Variants in MYLIP observed in about 807,000 individuals in gnomAD.
The protein encoded by MYLIP is myosin regulatory light chain interacting protein, also known as E3 ubiquitin-protein ligase MYLIP.
In MYLIP, 26 loss-of-function variants were observed where a neutral mutation model predicts 45.8. The observed-to-expected ratio is 0.57, with a 90% CI of 0.42 to 0.79. MYLIP has a LOEUF of 0.79. MYLIP is among the 30% of genes least tolerant of loss of function. The probability of loss-of-function intolerance (pLI) is 0.00; values close to 1 mark genes in which losing one functional copy is unlikely to be tolerated. For missense variants in MYLIP, 494 were observed against 555.6 expected (o/e 0.89, Z 1.11); for synonymous variants, 213 against 218.1 (o/e 0.98, Z 0.21).
rs891958744 is a variant in MYLIP at position 16,129,731 on chromosome 6, C to T, written c.87+322C>T. On this transcript the variant is annotated intron_variant, in intron 1 of 6. Coordinates refer to ENST00000356840, the MANE Select transcript of MYLIP (RefSeq NM_013262.4). The surrounding 1 kb of genome is among the most constrained non-coding windows in gnomAD (Gnocchi z 5.1). ...GGAAGAAGGCGGCTCCGCACACCTG[C>T]CGCAGGTATGTGCGTGATGCCGCCT... 2.6e-5 allele frequency among the ~76,000 whole-genome samples: 4 copies of T among 152,250 alleles called. No homozygotes were observed. Among genetic ancestry groups the T allele is most frequent in the East Asian group, 1.9e-4 (1 of 5,186 alleles).
chr6:16,141,513 A>G (rs760206122), intron 2 of MYLIP, 112 bp from the exon 3 acceptor site: 3 of 1,001,720 alleles, frequency 3.0e-6, no homozygotes, highest in Middle Eastern at 4.3e-4. Flanking sequence ...AAGCATTTTC[A>G]GTGTGACTTT....
At position 16,147,890 on chromosome 6, in the gene MYLIP, A is replaced by G. The variant is rs1019214334; in HGVS notation, c.*1139A>G. On this transcript the variant is annotated 3_prime_UTR_variant, in exon 7 of 7. Coordinates refer to ENST00000356840, the MANE Select transcript of MYLIP (RefSeq NM_013262.4). ...TTCCACTCCCACTTGGGCATTTTGGAAGCTGGTCAGCTAGCAGGTTTTCTG... is the reference window on the plus strand; with the variant it reads ...TTCCACTCCCACTTGGGCATTTTGGGAGCTGGTCAGCTAGCAGGTTTTCTG... 9 of 152,544 alleles carry G rather than the reference A, an allele frequency of 5.9e-5. No individual in the cohort carries two copies. The highest frequency in any genetic ancestry group is 3.9e-4 in the Admixed American group (6 of 15,270). The allele number at this position is 152,544 out of a possible 1,614,324, so 9.4% of individuals were successfully genotyped here.
At chr6:16,135,755 C>CTATATATA (rs10593630) in intron 2 of MYLIP, among the ~76,000 whole-genome samples, 21 of 125,244 alleles carry the variant, frequency 1.7e-4, no homozygotes, top group Non-Finnish European at 3.3e-4. Flanking sequence ...ATACATATAT[C>CTATATATA]TATATATATA....
At chr6:16,142,127 C>T (rs1262895017) in intron 3 of MYLIP, among the ~76,000 whole-genome samples, 1 of 152,178 alleles carries the variant, frequency 6.6e-6, no homozygotes, top group African/African-American at 2.4e-5. Context: ...AGGGCTACTG[C>T]ATATATTCAT....
chr6:16,140,268 A>C (rs1759641426), intron 2 of MYLIP, among the ~76,000 whole-genome samples: 1 of 152,232 alleles, frequency 6.6e-6, no homozygotes, highest in African/African-American at 2.4e-5. Context: ...AACTGAGGCC[A>C]ATCTGTCTAC....
chr6:16,135,777 A>AG (rs1759543492), intron 2 of MYLIP, among the ~76,000 whole-genome samples: 3 of 142,098 alleles, frequency 2.1e-5, no homozygotes, highest in South Asian at 4.4e-4. Flanking sequence ...ATATATATAT[A>AG]TGTATGCTAT....
the MYLIP span, among the ~76,000 whole-genome samples, chr6:16,154,105 A>G: frequency 2.0e-5 from 3 of 152,118 alleles, no homozygotes; most frequent in African/African-American, 7.2e-5. Flanking sequence ...CCCTCTTCAT[A>G]TCACCTCTAT....
chr6:16,139,098 G>A (rs1198258904), intron 2 of MYLIP, among the ~76,000 whole-genome samples: 1 of 152,176 alleles, frequency 6.6e-6, no homozygotes, highest in Non-Finnish European at 1.5e-5. Context: ...GCAGGAACTA[G>A]TCTCTAACTT....
At position 16,129,365 on chromosome 6, in the gene MYLIP, G is replaced by A; in HGVS notation, c.43G>A (p.Val15Met). The A allele has an allele frequency of 6.3e-7, 1 of 1,594,026 alleles. No individual in the cohort carries two copies. The highest frequency in any genetic ancestry group is 8.5e-7 in the Non-Finnish European group (1 of 1,170,634). The change falls in exon 1 of 7, where the codon GTG (valine) becomes ATG (methionine). Residue 15 changes from valine to methionine, a missense_variant. Coordinates refer to ENST00000356840, the MANE Select transcript of MYLIP (RefSeq NM_013262.4). The surrounding 1 kb of genome is among the most constrained non-coding windows in gnomAD (Gnocchi z 5.1). ...GAGGCCGGACGCGGTGCTGATGGAG[G>A]TGGAGGTGGAGGCGAAAGCCAACGG... ...VTRPDAVLME[V>M]EVEAKANGED...
rs1340511442 is a variant in MYLIP, at chr6:16,141,795, C to T, written c.449C>T (p.Ser150Phe). 6.2e-7 allele frequency: 1 copy of T among 1,612,950 alleles called. No homozygotes were observed. Among genetic ancestry groups the T allele is most frequent in the Admixed American group, 1.7e-5 (1 of 59,968 alleles). ...YEELCAKELS[S>F]ATLNSIVAKH... Reference sequence around the variant, plus strand: ...GAGCTCTGTGCCAAGGAGCTCTCCTCTGCCACCTTGAACAGGTGAGGCTGT... The same window carrying T: ...GAGCTCTGTGCCAAGGAGCTCTCCTTTGCCACCTTGAACAGGTGAGGCTGT... The change falls in exon 3 of 7, where the codon TCT (serine) becomes TTT (phenylalanine). Residue 150 changes from serine to phenylalanine, a missense_variant. Ser to Phe is a radical substitution (Grantham distance 155, BLOSUM62 -2). Transcript: ENST00000356840.
chr6:16,156,633 G>T, the MYLIP span, among the ~76,000 whole-genome samples: 1 of 152,222 alleles, frequency 6.6e-6, no homozygotes, highest in Admixed American at 6.5e-5. Flanking sequence ...ATAAAAGGAG[G>T]ATAAGTCTAT....
At position 16,147,215 on chromosome 6, in the gene MYLIP, G is replaced by A. The variant is rs893828277; in HGVS notation, c.*464G>A. On this transcript the variant is annotated 3_prime_UTR_variant, in exon 7 of 7. Coordinates refer to ENST00000356840, the MANE Select transcript of MYLIP (RefSeq NM_013262.4). The stretch of plus-strand genomic sequence containing the variant: ...ATGGAGCTCCAACCATTTTTAATAG[G>A]AAAGTCTTTTGTAAATTGTTGTCGT... The A allele has an allele frequency of 3.9e-5, 6 of 154,122 alleles. No individual in the cohort carries two copies. Among genetic ancestry groups the A allele is most frequent in the African/African-American group, 1.4e-4 (6 of 41,424 alleles). The allele number at this position is 154,122 out of a possible 1,614,324, so 9.5% of individuals were successfully genotyped here. A position where few individuals can be genotyped will look rare whatever the true frequency, so the allele number is the denominator to read the frequency against.
the MYLIP span, among the ~76,000 whole-genome samples, chr6:16,158,988 C>T: frequency 1.2e-4 from 18 of 152,186 alleles, no homozygotes; most frequent in Admixed American, 6.5e-5. Context: ...GTAACCACTC[C>T]GTCAATGTTG....
At position 16,129,486 on chromosome 6, in the gene MYLIP, G is replaced by T; in HGVS notation, c.87+77G>T. The T allele has an allele frequency of 1.4e-6, 2 of 1,432,470 alleles. No homozygotes were observed. The allele number at this position is 1,432,470 out of a possible 1,614,324, so 88.7% of individuals were successfully genotyped here. Reference sequence around the variant, plus strand: ...GCCTCGCAGCGACGCCTGGCACTCTGGCGCGCCCCCTACTAGGGGCCGGGA... The same window carrying T: ...GCCTCGCAGCGACGCCTGGCACTCTTGCGCGCCCCCTACTAGGGGCCGGGA... On this transcript the variant is annotated intron_variant, in intron 1 of 6. Coordinates refer to ENST00000356840, the MANE Select transcript of MYLIP (RefSeq NM_013262.4). The surrounding 1 kb of genome is among the most constrained non-coding windows in gnomAD (Gnocchi z 5.1).
At position 16,145,064 on chromosome 6, in the gene MYLIP, A is replaced by G; in HGVS notation, c.995A>G (p.Asn332Ser). The change falls in exon 6 of 7, where the codon AAT (asparagine) becomes AGT (serine). Residue 332 changes from asparagine to serine, a missense_variant. Coordinates refer to ENST00000356840, the MANE Select transcript of MYLIP (RefSeq NM_013262.4). ...VYDHARRALY[N>S]AGVVDLVSRN... ...GACCATGCCAGGAGGGCTCTGTACA[A>G]TGCTGGCGTTGTGGACCTCGTTTCA... 6.2e-7 allele frequency: 1 copy of G among 1,614,232 alleles called. No individual in the cohort carries two copies. Among genetic ancestry groups the G allele is most frequent in the South Asian group, 1.1e-5 (1 of 91,084 alleles).
downstream of MYLIP, among the ~76,000 whole-genome samples, chr6:16,150,388 C>T (rs904538647): frequency 6.6e-6 from 1 of 151,992 alleles, no homozygotes; most frequent in African/African-American, 2.4e-5. Flanking sequence ...AAGAGGTTAC[C>T]AGATTGTAGT....
intron 2 of MYLIP, among the ~76,000 whole-genome samples, chr6:16,139,270 A>AT (rs1432555297): frequency 9.9e-5 from 15 of 151,800 alleles, no homozygotes; most frequent in Non-Finnish European, 4.4e-5. Context: ...GCATGGTCTA[A>AT]TGTAGCTATC....
the MYLIP span, among the ~76,000 whole-genome samples, chr6:16,162,784 C>CCAAAAAAAAAAAAAAAAAAAAA: frequency 2.2e-5 from 1 of 46,314 alleles, no homozygotes; most frequent in Non-Finnish European, 3.1e-5. Context: ...GACCTCAACT[C>CCAAAAAAAAAAAAAAAAAAAAA]TAAAAAAAAA....
chr6:16,144,977 A>G lies in MYLIP; in HGVS notation c.908A>G (p.Glu303Gly), dbSNP rs1759754402. Residue 303 changes from glutamate to glycine, a missense_variant, in exon 6 of 7, where the codon GAA (glutamate) becomes GGA (glycine). Physicochemically the swap from Glu to Gly is moderately conservative, Grantham distance 98. Transcript: ENST00000356840. ...KGHLASLFLN[E>G]NINLGKKYVF... is the part of the protein sequence containing the mutation. The stretch of plus-strand genomic sequence containing the variant: ...CACTTGGCATCTCTGTTTCTGAATG[A>G]AAACATTAACCTTGGCAAGAAATAT... 1.2e-6 allele frequency: 2 copies of G among 1,614,120 alleles called. No homozygotes were observed. The highest frequency in any genetic ancestry group is 2.2e-5 in the East Asian group (1 of 44,904).
Sources: gnomAD v4.1 joint callset for allele counts (sites outside exome capture counted in the v4.1 genomes callset) on GRCh38, gnomAD v4.1.1 for gene constraint, Gnocchi (gnomAD v3.1) non-coding constraint, MANE v1.5 for transcripts, NCBI Gene and HGNC (gene_info 2026-07-23, HGNC 2026-07-21) for gene names.